The following IDO1 variants were observed in gnomAD, a reference collection of about 807,000 sequenced individuals.
The protein encoded by IDO1 is indolamine 2,3 dioxygenase.
A neutral mutation model predicts 38.8 loss-of-function variants in IDO1; 35 were observed. The ratio of observed to expected loss-of-function variants is 0.90; its 90% confidence interval spans 0.69 to 1.20. The LOEUF (loss-of-function observed/expected upper bound fraction) is 1.20. Among genes scored for constraint, IDO1 ranks in the 50% most tolerant of loss-of-function variants. IDO1 has a pLI of 0.00. For synonymous variants in IDO1, 171 were observed against 170.0 expected (o/e 1.01, Z -0.05); for missense variants, 509 against 485.1 (o/e 1.05, Z -0.46).
In IDO1 at chr8:39,928,677, G is replaced by A. The variant is rs1403941982; in HGVS notation, c.*492G>A. Among the ~76,000 whole-genome samples the A allele has an allele frequency of 6.7e-6, 1 of 149,780 alleles. No individual in the cohort carries two copies. Among genetic ancestry groups the A allele is most frequent in the Non-Finnish European group, 1.5e-5 (1 of 67,706 alleles). On this transcript the variant is annotated 3_prime_UTR_variant, in exon 10 of 10. Transcript: ENST00000518237. ...GAACCTGGGAGGCGGAGCTTGCAGT[G>A]AGCCAAGATTGTGCCACTGCAATCC...
chr8:39,920,416 T>C (rs1807254311), intron 5 of IDO1, among the ~76,000 whole-genome samples: 2 of 152,248 alleles, frequency 1.3e-5, no homozygotes, highest in South Asian at 4.1e-4. Flanking sequence ...TATGATTTAA[T>C]AACTCCCATG....
Position 39,922,535 on chromosome 8 carries a change from T to G in IDO1, c.438-17T>G, listed in dbSNP as rs1317881577. 17 of 1,565,086 alleles carry G rather than the reference T, an allele frequency of 1.1e-5. No homozygotes were observed. The highest frequency in any genetic ancestry group is 1.5e-5 in the Non-Finnish European group (17 of 1,135,998). The stretch of plus-strand genomic sequence containing the variant: ...ATTTTTGCTAAACTTCTTGCCTTCC[T>G]TATCCAATTTCCTCAGGAACATGGA... On this transcript the variant is annotated splice_polypyrimidine_tract_variant and intron_variant, in intron 5 of 9. Transcript: ENST00000518237.
chr8:39,917,432 G>A (rs1755397940), intron 1 of IDO1, among the ~76,000 whole-genome samples: 1 of 152,224 alleles, frequency 6.6e-6, no homozygotes, highest in African/African-American at 2.4e-5. Flanking sequence ...GGAGACAGAA[G>A]TTGTAGTGAG....
intron 6 of IDO1, among the ~76,000 whole-genome samples, chr8:39,923,104 A>G (rs1205446976): frequency 2.6e-5 from 4 of 152,204 alleles, no homozygotes; most frequent in African/African-American, 9.6e-5. Flanking sequence ...TAATTTATGG[A>G]TTAAGACGGG....
chr8:39,915,169 G>A (rs757534019), intron 1 of IDO1, among the ~76,000 whole-genome samples: 38 of 152,278 alleles, frequency 2.5e-4, no homozygotes, highest in Non-Finnish European at 2.6e-4. Flanking sequence ...GCCAGTATGA[G>A]CCTAAGCAGC....
rs1240233232 is a variant in IDO1, at chr8:39,913,942, ACTC to A, written c.23_25del (p.Ser8del). 6.4e-7 allele frequency: 1 copy of A among 1,572,088 alleles called. No individual in the cohort carries two copies. Among genetic ancestry groups the A allele is most frequent in the Admixed American group, 1.9e-5 (1 of 53,158 alleles). On this transcript the variant is annotated inframe_deletion, in exon 1 of 10. Coordinates refer to ENST00000518237, the MANE Select transcript of IDO1 (RefSeq NM_002164.6). Reference sequence around the variant, plus strand: ...ACAAGAATGGCACACGCTATGGAAAACTCCTGGACAATCAGTAAAGAGTACCAT... The same window carrying A: ...ACAAGAATGGCACACGCTATGGAAAACTGGACAATCAGTAAAGAGTACCAT...
intron 7 of IDO1, among the ~76,000 whole-genome samples, chr8:39,924,100 T>A (rs1807321605): frequency 6.6e-6 from 1 of 152,032 alleles, no homozygotes; most frequent in Non-Finnish European, 1.5e-5. Flanking sequence ...TAATTTGCAA[T>A]AGGAAATCTG....
rs564795381 is a variant in IDO1 at position 39,925,958 on chromosome 8, C to T, written c.856+587C>T. 2.2e-3 allele frequency among the ~76,000 whole-genome samples: 336 copies of T among 151,984 alleles called. 3 individuals are homozygous for T. The highest frequency in any genetic ancestry group is 7.5e-3 in the African/African-American group (313 of 41,472). ...ATCCTAGCACTTTGGGAGGCCGAGG[C>T]GGGCGGATCACAAGATCAGGAGATC... On this transcript the variant is annotated intron_variant, in intron 9 of 9. Coordinates refer to ENST00000518237, the MANE Select transcript of IDO1 (RefSeq NM_002164.6).
In IDO1 at chr8:39,928,065, G is replaced by C. The variant is rs374895308; in HGVS notation, c.1092G>C (p.Glu364Asp). Residue 364 changes from glutamate (E) to aspartate (D), a missense_variant, in exon 10 of 10, where the codon GAG becomes GAC. By Grantham distance (45) the Glu-to-Asp change is conservative. Transcript: ENST00000518237. ...ILIPASQQPK[E>D]NKTSEDPSKL... ...TTCCTGCAAGCCAGCAGCCAAAGGA[G>C]AATAAGACCTCTGAAGACCCTTCAA... The C allele has an allele frequency of 6.2e-7, 1 of 1,612,148 alleles. No individual in the cohort carries two copies. The highest frequency in any genetic ancestry group is 8.5e-7 in the Non-Finnish European group (1 of 1,179,162).
intron 7 of IDO1, among the ~76,000 whole-genome samples, chr8:39,924,168 G>C (rs1807322772): frequency 6.6e-6 from 1 of 152,034 alleles, no homozygotes; most frequent in Admixed American, 6.6e-5. Context: ...TTGAGTTATT[G>C]CTGTTTAGTC....
intron 9 of IDO1, 41 bp downstream of exon 9, chr8:39,925,412 A>G: frequency 6.4e-7 from 1 of 1,555,940 alleles, no homozygotes; most frequent in African/African-American, 1.4e-5. Flanking sequence ...TCTTATGTGA[A>G]TACAATAGTA....
At chr8:39,924,895 G>C (rs1476246032) in intron 8 of IDO1, 123 bp downstream of exon 8, 2 of 766,892 alleles carry the variant, frequency 2.6e-6, no homozygotes, top group Non-Finnish European at 4.5e-6. Flanking sequence ...AATTCACATG[G>C]TAGAAAAATA....
Position 39,924,916 on chromosome 8 carries a change from C to A in IDO1, c.707+144C>A, listed in dbSNP as rs1193202458. 5 of 717,044 alleles carry A rather than the reference C, an allele frequency of 7.0e-6. No individual in the cohort carries two copies. In the East Asian group the frequency reaches 1.3e-4, roughly 19 times the overall value. The allele number at this position is 717,044 out of a possible 1,614,324, so 44.4% of individuals were successfully genotyped here. ...CATGGTAGAAAAATACTAGACTGTT[C>A]TGTTATCACTTGGCCAGGAATGTAC... On this transcript the variant is annotated intron_variant, in intron 8 of 9. Transcript: ENST00000518237.
intron 8 of IDO1, among the ~76,000 whole-genome samples, chr8:39,924,987 G>C (rs1363640985): frequency 1.3e-5 from 2 of 152,158 alleles, no homozygotes; most frequent in Non-Finnish European, 2.9e-5. Context: ...AGAGTGGTCT[G>C]TGCTAGTACA....
chr8:39,916,506 T>C (rs1467330429), intron 1 of IDO1, among the ~76,000 whole-genome samples: 1 of 152,106 alleles, frequency 6.6e-6, no homozygotes, highest in Non-Finnish European at 1.5e-5. Context: ...ACAATTCTGC[T>C]AGCTGAGATG....
At chr8:39,925,190 G>A (rs1293446021) in intron 8 of IDO1, 33 bp from the exon 9 acceptor site, 1 of 1,547,642 alleles carries the variant, frequency 6.5e-7, no homozygotes, top group Non-Finnish European at 8.7e-7. Context: ...CCTAAAGAAT[G>A]ATTTTTCTTT....
chr8:39,918,918 A>G lies in IDO1; in HGVS notation c.407A>G (p.Lys136Arg). The G allele has an allele frequency of 1.3e-6, 2 of 1,583,452 alleles. No homozygotes were observed. Among genetic ancestry groups the G allele is most frequent in the Non-Finnish European group, 1.7e-6 (2 of 1,152,180 alleles). ...YADCVLANWK[K>R]KDPNKPLTYE... is the part of the protein sequence containing the mutation. The stretch of plus-strand genomic sequence containing the variant: ...GACTGTGTCTTGGCAAACTGGAAGA[A>G]AAAGGATCCTAATAAGTATGTAAAC... The change falls in exon 4 of 10, where the codon AAA (lysine) becomes AGA (arginine). Residue 136 changes from lysine (K) to arginine (R), a missense_variant. Lys to Arg is a conservative substitution (Grantham distance 26). Transcript: ENST00000518237.
chr8:39,921,335 C>T (rs928189724), intron 5 of IDO1, among the ~76,000 whole-genome samples: 6 of 152,082 alleles, frequency 3.9e-5, no homozygotes, highest in African/African-American at 1.4e-4. Flanking sequence ...TGCCTGTAAT[C>T]TCAGCTACTC....
At chr8:39,918,380 A>G (rs1006006606) in intron 3 of IDO1, 173 bp downstream of exon 3, 11 of 606,590 alleles carry the variant, frequency 1.8e-5, no homozygotes, top group Non-Finnish European at 2.8e-5. Flanking sequence ...TGTTATCATT[A>G]TTATATTTTT....
Sources: gnomAD v4.1 joint callset for allele counts (sites outside exome capture counted in the v4.1 genomes callset) on GRCh38, gnomAD v4.1.1 for gene constraint, MANE v1.5 for transcripts, NCBI Gene and HGNC (gene_info 2026-07-23, HGNC 2026-07-21) for gene names.